The following ADAMTS17 variants were observed in gnomAD, a reference collection of about 807,000 sequenced individuals.
ADAMTS17 encodes the protein A disintegrin and metalloproteinase with thrombospondin motifs 17.
In ADAMTS17, 113 loss-of-function variants were observed where a neutral mutation model predicts 141.5. The ratio of observed to expected loss-of-function variants is 0.80; its 90% CI spans 0.69 to 0.93. ADAMTS17 has a LOEUF of 0.93. Ranked by LOEUF, ADAMTS17 falls within the 40% of genes least tolerant of loss-of-function variation. The pLI, the probability that ADAMTS17 is intolerant of heterozygous loss-of-function variation, is 0.00. For missense variants in ADAMTS17, 1,659 were observed against 1,517.9 expected (o/e 1.09, Z -1.54); for synonymous variants, 768 against 630.6 (o/e 1.22, Z -3.27).
intron 3 of ADAMTS17, among the ~76,000 whole-genome samples, chr15:100,311,362 T>C (rs1166628172): frequency 1.3e-5 from 2 of 152,196 alleles, no homozygotes; most frequent in African/African-American, 4.8e-5. Flanking sequence ...GCCCATGGCC[T>C]TCTGGGGGCC....
rs139975091 is a variant in ADAMTS17, at chr15:100,091,397, T to C, written c.2137+4959A>G. On this transcript the variant is annotated intron_variant, in intron 15 of 21. Transcript: ENST00000268070. ...AGCTTCAGCCACCAAGCAGGAGAAA[T>C]CCAGTTACAGGAACATGATTTGGTT... is the stretch of plus-strand genomic sequence containing the variant. Among the ~76,000 whole-genome samples, 484 of 152,178 alleles carry C rather than the reference T, an allele frequency of 3.2e-3. 2 individuals are homozygous for C. Among genetic ancestry groups the C allele is most frequent in the African/African-American group, 0.011 (462 of 41,500 alleles).
intron 9 of ADAMTS17, among the ~76,000 whole-genome samples, chr15:100,154,669 T>G (rs2039345630): frequency 6.6e-6 from 1 of 152,058 alleles, no homozygotes; most frequent in Admixed American, 6.5e-5. Context: ...TCCACAGAAA[T>G]CTGAGAATGG....
chr15:100,082,386 T>A (rs1596372668), intron 15 of ADAMTS17, among the ~76,000 whole-genome samples: 2 of 71,690 alleles, frequency 2.8e-5, no homozygotes, highest in South Asian at 3.5e-4. Flanking sequence ...TTTGATAGTC[T>A]TTTTTTTTTT....
At chr15:100,298,520 C>T (rs2044906856) in intron 3 of ADAMTS17, among the ~76,000 whole-genome samples, 1 of 152,168 alleles carries the variant, frequency 6.6e-6, no homozygotes, top group Non-Finnish European at 1.5e-5. Context: ...CATAAACACA[C>T]CCCAGATGGC....
chr15:100,203,480 C>T (rs192464469), intron 7 of ADAMTS17, among the ~76,000 whole-genome samples: 7 of 152,194 alleles, frequency 4.6e-5, no homozygotes, highest in Non-Finnish European at 7.4e-5. Flanking sequence ...ACCGAGCAGG[C>T]GGATCATGAG....
intron 7 of ADAMTS17, among the ~76,000 whole-genome samples, chr15:100,236,514 T>C (rs2042659895): frequency 6.6e-6 from 1 of 151,966 alleles, no homozygotes; most frequent in African/African-American, 2.4e-5. Flanking sequence ...ACAGCTAACA[T>C]GGACCCTCTT....
At chr15:100,305,228 T>A (rs1420766286) in intron 3 of ADAMTS17, among the ~76,000 whole-genome samples, 1 of 152,196 alleles carries the variant, frequency 6.6e-6, no homozygotes, top group Non-Finnish European at 1.5e-5. Flanking sequence ...CATCCAGGTC[T>A]CATTTATTTT....
At chr15:100,137,853 C>T (rs558495626) in intron 10 of ADAMTS17, among the ~76,000 whole-genome samples, 2 of 151,972 alleles carry the variant, frequency 1.3e-5, no homozygotes, top group Middle Eastern at 3.2e-3. Flanking sequence ...ACACCAACAC[C>T]CACCCTTTCA....
chr15:100,221,083 G>A (rs544310815), intron 7 of ADAMTS17, among the ~76,000 whole-genome samples: 1 of 152,202 alleles, frequency 6.6e-6, no homozygotes, highest in South Asian at 2.1e-4. Flanking sequence ...TTGAGGAACT[G>A]GGAACATGCT....
At chr15:100,269,731 T>C (rs1183672534) in intron 4 of ADAMTS17, among the ~76,000 whole-genome samples, 1 of 152,170 alleles carries the variant, frequency 6.6e-6, no homozygotes. Flanking sequence ...AGGTCAAGCC[T>C]GCATGACCAG....
At chr15:100,326,597 T>C (rs2045908238) in intron 3 of ADAMTS17, among the ~76,000 whole-genome samples, 1 of 152,158 alleles carries the variant, frequency 6.6e-6, no homozygotes, top group African/African-American at 2.4e-5. Context: ...ACTCCAGACT[T>C]TTACCAAGTG....
chr15:100,090,408 A>T (rs943338281), intron 15 of ADAMTS17, among the ~76,000 whole-genome samples: 2 of 152,246 alleles, frequency 1.3e-5, no homozygotes, highest in African/African-American at 4.8e-5. Flanking sequence ...ACCGATCTGC[A>T]GAATCCGACA....
intron 3 of ADAMTS17, among the ~76,000 whole-genome samples, chr15:100,312,543 G>A (rs563902003): frequency 5.8e-4 from 89 of 152,252 alleles, no homozygotes; most frequent in African/African-American, 2.0e-3. Flanking sequence ...TTGTTAGAGC[G>A]GTAATAAGAA....
intron 10 of ADAMTS17, among the ~76,000 whole-genome samples, chr15:100,134,065 A>C (rs1250547021): frequency 1.3e-5 from 2 of 152,220 alleles, no homozygotes; most frequent in Non-Finnish European, 2.9e-5. Flanking sequence ...AATTTATCAA[A>C]ATCATGAAAG....
intron 7 of ADAMTS17, among the ~76,000 whole-genome samples, chr15:100,208,329 A>T (rs2041659670): frequency 6.6e-6 from 1 of 152,324 alleles, no homozygotes; most frequent in African/African-American, 2.4e-5. Flanking sequence ...CTCATTCAAA[A>T]ATCACAAATG....
intron 13 of ADAMTS17, among the ~76,000 whole-genome samples, chr15:100,115,375 C>T (rs903817573): frequency 2.0e-5 from 3 of 152,190 alleles, no homozygotes; most frequent in South Asian, 4.1e-4. Context: ...GTGCAAAGGC[C>T]GTGTTTCTCT....
chr15:100,334,567 C>A (rs1008225664), intron 2 of ADAMTS17, among the ~76,000 whole-genome samples: 7 of 152,032 alleles, frequency 4.6e-5, no homozygotes, highest in African/African-American at 1.7e-4. Flanking sequence ...CGGGCACACA[C>A]CTCTTTCGAT....
At chr15:100,241,663 C>T (rs1167352904) in intron 7 of ADAMTS17, among the ~76,000 whole-genome samples, 6 of 152,202 alleles carry the variant, frequency 3.9e-5, no homozygotes, top group Admixed American at 3.9e-4. Context: ...CACTTCCACC[C>T]CATTCCACCA....
intron 14 of ADAMTS17, among the ~76,000 whole-genome samples, chr15:100,096,891 T>G (rs2035794857): frequency 6.6e-6 from 1 of 152,208 alleles, no homozygotes; most frequent in Non-Finnish European, 1.5e-5. Context: ...GGGGGTCACC[T>G]GCAACTTGGC....
Sources: gnomAD v4.1 joint callset for allele counts (sites outside exome capture counted in the v4.1 genomes callset) on GRCh38, gnomAD v4.1.1 for gene constraint, MANE v1.5 for transcripts, NCBI Gene and HGNC (gene_info 2026-07-23, HGNC 2026-07-21) for gene names.